Variants in KCNMA1 observed in about 807,000 individuals in gnomAD.
KCNMA1 encodes potassium calcium-activated channel subfamily M alpha 1, also known as Calcium-activated potassium channel subunit alpha-1.
Under a neutral mutation model 140.0 loss-of-function variants are expected in KCNMA1, and 29 were observed. The ratio of observed to expected loss-of-function variants is 0.21; its 90% CI spans 0.15 to 0.28. The LOEUF (loss-of-function observed/expected upper bound fraction) is 0.28. Ranked by LOEUF, KCNMA1 falls within the 10% of genes least tolerant of loss-of-function variation. KCNMA1 has a pLI of 1.00. For synonymous variants in KCNMA1, 612 were observed against 611.9 expected (o/e 1.00, Z 0.00); for missense variants, 880 against 1,602.2 (o/e 0.55, Z 7.70).
intron 5 of KCNMA1, among the ~76,000 whole-genome samples, chr10:77,179,380 G>C (rs1565024945): frequency 6.6e-6 from 1 of 152,116 alleles, no homozygotes; most frequent in Non-Finnish European, 1.5e-5. Flanking sequence ...GCTGCTGAGG[G>C]GCACTAGGAC....
At chr10:77,409,961 T>A (rs1010420772) in intron 1 of KCNMA1, among the ~76,000 whole-genome samples, 16 of 152,112 alleles carry the variant, frequency 1.1e-4, no homozygotes, top group African/African-American at 2.7e-4. Flanking sequence ...GGAGCCCTAA[T>A]CTGGTAACAG....
chr10:77,161,677 A>T (rs1194018840), intron 5 of KCNMA1, among the ~76,000 whole-genome samples: 1 of 152,206 alleles, frequency 6.6e-6, no homozygotes, highest in African/African-American at 2.4e-5. Context: ...AGAGATGTGC[A>T]TGTATCTTGT....
intron 2 of KCNMA1, among the ~76,000 whole-genome samples, chr10:77,377,392 A>G (rs575579321): frequency 4.4e-4 from 67 of 152,294 alleles, no homozygotes; most frequent in Non-Finnish European, 8.8e-4. Flanking sequence ...AAAGAGAAAG[A>G]GCTGCTGGGT....
intron 5 of KCNMA1, among the ~76,000 whole-genome samples, chr10:77,121,604 A>G (rs987777196): frequency 7.2e-5 from 11 of 151,792 alleles, no homozygotes; most frequent in East Asian, 1.9e-4. Flanking sequence ...GTGAGATATC[A>G]CACCCCACAA....
At chr10:76,916,047 T>C (rs74139880) in intron 23 of KCNMA1, among the ~76,000 whole-genome samples, 137 of 140,192 alleles carry the variant, frequency 9.8e-4, no homozygotes, top group African/African-American at 3.8e-3. Context: ...CACACACACA[T>C]ACACAAATGT....
rs574764481 is a variant in KCNMA1, at chr10:77,216,792, G to A, written c.603-31876C>T. Among the ~76,000 whole-genome samples, 26 of 152,166 alleles carry A rather than the reference G, an allele frequency of 1.7e-4. No homozygotes were observed. In the South Asian group the frequency reaches 5.2e-3, roughly 30 times the overall value. On this transcript the variant is annotated intron_variant, in intron 3 of 27. Coordinates refer to ENST00000286628, the MANE Select transcript of KCNMA1 (RefSeq NM_001161352.2). ...AAGCTGGATATTGGCTTTATATATG[G>A]TTTTGACTCTGTGCACATCATTCAT...
chr10:76,949,381 A>C lies in KCNMA1; in HGVS notation c.2485-15T>G, dbSNP rs1343760640. On this transcript the variant is annotated splice_polypyrimidine_tract_variant and intron_variant, in intron 21 of 27. Transcript: ENST00000286628. ...TCACTTCGAGTCTACAACAGGGAGA[A>C]GTGGGTAAGAGTCAGAGAGAAGACT... The C allele has an allele frequency of 1.9e-6, 3 of 1,602,696 alleles. No homozygotes were observed. In the South Asian group the frequency reaches 3.3e-5, roughly 18 times the overall value.
Position 76,885,207 on chromosome 10 carries a change from ATATATATAG to A in KCNMA1, c.*2050_*2058del. On this transcript the variant is annotated 3_prime_UTR_variant, in exon 28 of 28. Transcript: ENST00000286628. ...TACTAGGGGATACATATATATAGTT[ATATATATAG>A]TTATATATATATAATTATATAGTTA... 1 of 626,898 alleles carries A rather than the reference ATATATATAG, an allele frequency of 1.6e-6. No individual in the cohort carries two copies. The highest frequency in any genetic ancestry group is 2.0e-6 in the Non-Finnish European group (1 of 494,444). 38.8% of individuals were successfully genotyped at this position (626,898 alleles called of 1,614,324 possible).
At position 77,174,094 on chromosome 10, in the gene KCNMA1, C is replaced by T. The variant is rs2098732484; in HGVS notation, c.808+9327G>A. Among the ~76,000 whole-genome samples, 3 of 152,206 alleles carry T rather than the reference C, an allele frequency of 2.0e-5. No individual in the cohort carries two copies. In the South Asian group the frequency reaches 6.2e-4, roughly 32 times the overall value. On this transcript the variant is annotated intron_variant, in intron 5 of 27. Transcript: ENST00000286628. ...CACCAGAGACCTTTCCTTTCAGAGCCCAAAATGCCATTTCAGTAGCAGCAG... is the reference window on the plus strand; with the variant it reads ...CACCAGAGACCTTTCCTTTCAGAGCTCAAAATGCCATTTCAGTAGCAGCAG...
At chr10:77,027,536 G>T (rs2093569725) in intron 16 of KCNMA1, among the ~76,000 whole-genome samples, 1 of 152,166 alleles carries the variant, frequency 6.6e-6, no homozygotes, top group Admixed American at 6.5e-5. Flanking sequence ...AAGGTGAAAA[G>T]TCCAGGTCGG....
chr10:77,578,619 G>A (rs2074977741), intron 1 of KCNMA1, among the ~76,000 whole-genome samples: 1 of 152,174 alleles, frequency 6.6e-6, no homozygotes, highest in Non-Finnish European at 1.5e-5. Context: ...ACCTCCTGGA[G>A]CCTGAAGAGG....
chr10:77,472,112 C>T (rs1603627232), intron 1 of KCNMA1, among the ~76,000 whole-genome samples: 1 of 150,678 alleles, frequency 6.6e-6, no homozygotes, highest in Non-Finnish European at 1.5e-5. Context: ...AATACCCACA[C>T]ACCACGCATT....
At chr10:76,923,136 A>G (rs1480023612) in intron 23 of KCNMA1, among the ~76,000 whole-genome samples, 1 of 152,176 alleles carries the variant, frequency 6.6e-6, no homozygotes, top group African/African-American at 2.4e-5. Flanking sequence ...ACCCAAACCA[A>G]AGCAAATTAA....
At chr10:77,223,581 A>G (rs2050366205) in intron 3 of KCNMA1, among the ~76,000 whole-genome samples, 2 of 152,232 alleles carry the variant, frequency 1.3e-5, no homozygotes, top group Admixed American at 1.3e-4. Context: ...CAGAAAACTC[A>G]GAAGCCGGGA....
chr10:77,414,485 TTTTTTTC>T (rs1201067254), intron 1 of KCNMA1, among the ~76,000 whole-genome samples: 2 of 152,126 alleles, frequency 1.3e-5, no homozygotes, highest in African/African-American at 2.4e-5. Flanking sequence ...ATGTTTTTTC[TTTTTTTC>T]TTTTTTCTTT....
intron 2 of KCNMA1, among the ~76,000 whole-genome samples, chr10:77,316,011 A>G (rs907862149): frequency 1.3e-5 from 2 of 152,170 alleles, no homozygotes; most frequent in Admixed American, 1.3e-4. Flanking sequence ...AGAGGAAAAT[A>G]TCTCCAGTGT....
chr10:77,310,972 C>A (rs1388482300), intron 2 of KCNMA1, among the ~76,000 whole-genome samples: 1 of 152,152 alleles, frequency 6.6e-6, no homozygotes, highest in Admixed American at 6.5e-5. Context: ...CCTACCACTC[C>A]AACTCTTCAT....
At chr10:77,196,944 G>A (rs192190920) in intron 3 of KCNMA1, among the ~76,000 whole-genome samples, 123 of 152,086 alleles carry the variant, frequency 8.1e-4, no homozygotes, top group African/African-American at 2.8e-3. Context: ...AGTCCATTCT[G>A]AGAATACAAG....
At chr10:77,227,078 G>A (rs965508010) in intron 3 of KCNMA1, among the ~76,000 whole-genome samples, 1 of 152,160 alleles carries the variant, frequency 6.6e-6, no homozygotes, top group African/African-American at 2.4e-5. Flanking sequence ...ATAGCATGGA[G>A]CTTGTGGCAT....
Sources: allele counts gnomAD v4.1 joint callset (sites outside exome capture counted in the v4.1 genomes callset), GRCh38; gene constraint gnomAD v4.1.1; transcripts MANE v1.5; gene names NCBI Gene and HGNC (gene_info 2026-07-23, HGNC 2026-07-21).